Variants in PPARA observed in about 807,000 individuals in gnomAD.
The protein encoded by PPARA is peroxisome proliferator activated receptor alpha.
In PPARA, 22 loss-of-function variants were observed where a neutral mutation model predicts 42.2. That is an observed-to-expected ratio of 0.52 (90% CI 0.37 to 0.74). The LOEUF (loss-of-function observed/expected upper bound fraction) is 0.74, where lower values mean the gene tolerates loss of function less well. PPARA is among the 30% of genes least tolerant of loss of function. The probability of loss-of-function intolerance (pLI) is 0.00; values close to 1 mark genes in which losing one functional copy is unlikely to be tolerated. For synonymous variants in PPARA, 242 were observed against 239.3 expected (o/e 1.01, Z -0.10); for missense variants, 465 against 608.2 (o/e 0.76, Z 2.48).
rs1930457208 is a variant in PPARA, at chr22:46,184,907, C to A, written c.-43+8071C>A. ...TCGTTTGTGTGCGACGTGTTTTTCC[C>A]TCTCAGAAAGCTCGTAGGGTCTTCT... is the stretch of plus-strand genomic sequence containing the variant. On this transcript the variant is annotated intron_variant, in intron 3 of 8. Coordinates refer to ENST00000407236, the MANE Select transcript of PPARA (RefSeq NM_005036.6). This position sits in a 1 kb window ranked among gnomAD's most constrained non-coding sequence, Gnocchi z 4.4. Among the ~76,000 whole-genome samples the A allele has an allele frequency of 6.6e-6, 1 of 152,182 alleles. No homozygotes were observed. Among genetic ancestry groups the A allele is most frequent in the South Asian group, 2.1e-4 (1 of 4,834 alleles).
In PPARA at chr22:46,230,471, C is replaced by G. The variant is rs1043399880; in HGVS notation, c.712-1321C>G. On this transcript the variant is annotated intron_variant, in intron 7 of 8. Coordinates refer to ENST00000407236, the MANE Select transcript of PPARA (RefSeq NM_005036.6). The surrounding 1 kb of genome is among the most constrained non-coding windows in gnomAD (Gnocchi z 5.0). Reference sequence around the variant, plus strand: ...ATCAGAGAGATCTCTCAGATGTTGTCACTTTCCTGCTCTACCCGCAGATGT... The same window carrying G: ...ATCAGAGAGATCTCTCAGATGTTGTGACTTTCCTGCTCTACCCGCAGATGT... Among the ~76,000 whole-genome samples, 1 of 152,208 alleles carries G rather than the reference C, an allele frequency of 6.6e-6. No homozygotes were observed.
In PPARA at chr22:46,218,411, G is replaced by A. The variant is rs1387520069; in HGVS notation, c.508+10G>A. The A allele has an allele frequency of 6.2e-7, 1 of 1,614,116 alleles. No homozygotes were observed. The highest frequency in any genetic ancestry group is 2.2e-5 in the East Asian group (1 of 44,888). On this transcript the variant is annotated intron_variant, in intron 6 of 8. Transcript: ENST00000407236. ...GGGATGTCACACAACGGTAGGTAAG[G>A]TGGCCCTGCACATTTTCCCAGTTCG... is the stretch of plus-strand genomic sequence containing the variant.
In PPARA at chr22:46,221,762, G is replaced by A. The variant is rs941428884; in HGVS notation, c.711+1748G>A. The stretch of plus-strand genomic sequence containing the variant: ...TGCAGTGAGCCGAGATCGTGCCACT[G>A]CACTTCCAGCCTGGGCGACAAAGCC... On this transcript the variant is annotated intron_variant, in intron 7 of 8. Coordinates refer to ENST00000407236, the MANE Select transcript of PPARA (RefSeq NM_005036.6). The surrounding 1 kb of genome is among the most constrained non-coding windows in gnomAD (Gnocchi z 5.9). Among the ~76,000 whole-genome samples, 4 of 152,090 alleles carry A rather than the reference G, an allele frequency of 2.6e-5. No homozygotes were observed. Among genetic ancestry groups the A allele is most frequent in the African/African-American group, 9.7e-5 (4 of 41,412 alleles).
In PPARA at chr22:46,196,250, G is replaced by A. The variant is rs919939124; in HGVS notation, c.-42-2092G>A. 6.6e-6 allele frequency among the ~76,000 whole-genome samples: 1 copy of A among 152,190 alleles called. No homozygotes were observed. Among genetic ancestry groups the A allele is most frequent in the Admixed American group, 6.5e-5 (1 of 15,270 alleles). ...TTATACCCCTATGGAAATGCCGTTC[G>A]CTTTGCTAGTTGAAATAGCCTACCA... On this transcript the variant is annotated intron_variant, in intron 3 of 8. Transcript: ENST00000407236. The surrounding 1 kb of genome is among the most constrained non-coding windows in gnomAD (Gnocchi z 5.6).
At chr22:46,197,992 G>A (rs962809267) in intron 3 of PPARA, among the ~76,000 whole-genome samples, 3 of 151,732 alleles carry the variant, frequency 2.0e-5, no homozygotes, top group South Asian at 2.1e-4. Context: ...AGCACTTTGC[G>A]AGGCTGAGGC....
chr22:46,196,272 A>G lies in PPARA; in HGVS notation c.-42-2070A>G, dbSNP rs968957300. Among the ~76,000 whole-genome samples the G allele has an allele frequency of 2.0e-5, 3 of 152,098 alleles. No individual in the cohort carries two copies. Among genetic ancestry groups the G allele is most frequent in the Non-Finnish European group, 4.4e-5 (3 of 67,986 alleles). The stretch of plus-strand genomic sequence containing the variant: ...TTCGCTTTGCTAGTTGAAATAGCCT[A>G]CCATTGTCTGGGACTCACCCAGTTA... On this transcript the variant is annotated intron_variant, in intron 3 of 8. Coordinates refer to ENST00000407236, the MANE Select transcript of PPARA (RefSeq NM_005036.6). This position sits in a 1 kb window ranked among gnomAD's most constrained non-coding sequence, Gnocchi z 5.6.
rs1933110931 is a variant in PPARA at position 46,205,208 on chromosome 22, T to TA, written c.208+6618dup. Among the ~76,000 whole-genome samples the TA allele has an allele frequency of 2.0e-5, 3 of 151,618 alleles. No individual in the cohort carries two copies. The East Asian group carries it at 5.8e-4, about 29-fold the overall frequency. On this transcript the variant is annotated intron_variant, in intron 4 of 8. Transcript: ENST00000407236. ...GTCCAATTTATCAATGTCCTTTTTT[T>TA]ATGGATACTTCATTTATTTATTTAT... is the stretch of plus-strand genomic sequence containing the variant.
At position 46,231,838 on chromosome 22, in the gene PPARA, C is replaced by T. The variant is rs185169164; in HGVS notation, c.758C>T (p.Thr253Met). ...DMETLCMAEK[T>M]LVAKLVANGI... ...GAGACACTGTGTATGGCTGAGAAGA[C>T]GCTGGTGGCCAAGCTGGTGGCCAAT... The change falls in exon 8 of 9, where the codon ACG (threonine) becomes ATG (methionine). Residue 253 changes from threonine (T) to methionine (M), a missense_variant. By Grantham distance (81) the Thr-to-Met change is moderately conservative. This residue lies in a region of PPARA where 313 missense variants were observed against 469.1 expected (regional missense o/e 0.67). Coordinates refer to ENST00000407236, the MANE Select transcript of PPARA (RefSeq NM_005036.6). This position sits in a 1 kb window ranked among gnomAD's most constrained non-coding sequence, Gnocchi z 7.7. 9.0e-5 allele frequency: 146 copies of T among 1,613,994 alleles called. 1 individual carries two copies. The highest frequency in any genetic ancestry group is 2.2e-5 in the East Asian group (1 of 44,888).
In PPARA at chr22:46,180,105, T is replaced by C. The variant is rs1257246308; in HGVS notation, c.-43+3269T>C. 3.9e-5 allele frequency among the ~76,000 whole-genome samples: 6 copies of C among 152,160 alleles called. No individual in the cohort carries two copies. Among genetic ancestry groups the C allele is most frequent in the Non-Finnish European group, 5.9e-5 (4 of 68,012 alleles). On this transcript the variant is annotated intron_variant, in intron 3 of 8. Transcript: ENST00000407236. The surrounding 1 kb of genome is among the most constrained non-coding windows in gnomAD (Gnocchi z 4.2). ...TAGAAAGGTTGACCATACCAAACAT[T>C]AGCCATGATGTGCAGGAACTAGAAC...
intron 1 of PPARA, 50 bp from the exon 2 acceptor site, chr22:46,151,838 C>T (rs1474914690): frequency 6.6e-6 from 1 of 152,260 alleles, no homozygotes; most frequent in East Asian, 1.9e-4. Flanking sequence ...AGTTGGGGGG[C>T]ATCCAGAGAA....
intron 3 of PPARA, among the ~76,000 whole-genome samples, chr22:46,185,070 G>A (rs1010970155): frequency 2.0e-5 from 3 of 152,068 alleles, no homozygotes; most frequent in Non-Finnish European, 4.4e-5. Flanking sequence ...TATCCTGAAC[G>A]TACTGGTTGG....
At chr22:46,197,058 G>T (rs1006781212) in intron 3 of PPARA, among the ~76,000 whole-genome samples, 1 of 148,622 alleles carries the variant, frequency 6.7e-6, no homozygotes, top group Non-Finnish European at 1.5e-5. Context: ...TTTGGTTTTG[G>T]TTTTTTTTTG....
In PPARA at chr22:46,224,232, C is replaced by T. The variant is rs1190855320; in HGVS notation, c.711+4218C>T. Among the ~76,000 whole-genome samples the T allele has an allele frequency of 6.6e-6, 1 of 152,242 alleles. No homozygotes were observed. Among genetic ancestry groups the T allele is most frequent in the Non-Finnish European group, 1.5e-5 (1 of 68,046 alleles). ...GACGCTGGAGGCACGGCCCCCTCCTCCCTGCCTAGCCTGCTGACGGGCTTT... is the reference window on the plus strand; with the variant it reads ...GACGCTGGAGGCACGGCCCCCTCCTTCCTGCCTAGCCTGCTGACGGGCTTT... On this transcript the variant is annotated intron_variant, in intron 7 of 8. Transcript: ENST00000407236. This position sits in a 1 kb window ranked among gnomAD's most constrained non-coding sequence, Gnocchi z 5.7.
At chr22:46,210,635 G>A (rs146430671) in intron 4 of PPARA, among the ~76,000 whole-genome samples, 1 of 151,996 alleles carries the variant, frequency 6.6e-6, no homozygotes, top group African/African-American at 2.4e-5. Context: ...GCAGAGACGG[G>A]GTTTCACCAT....
chr22:46,235,287 G>A lies in PPARA; in HGVS notation c.1314G>A (p.Thr438=), dbSNP rs1417413956. 9.3e-6 allele frequency: 15 copies of A among 1,613,940 alleles called. 1 individual carries two copies. The highest frequency in any genetic ancestry group is 6.6e-5 in the South Asian group (6 of 91,078). The change falls in exon 9 of 9, where the codon ACG becomes ACA. Residue 438 remains threonine, a synonymous_variant. Transcript: ENST00000407236. This position sits in a 1 kb window ranked among gnomAD's most constrained non-coding sequence, Gnocchi z 7.0. ...QKMADLRQLV[T]EHAQLVQIIK... ...TGGCAGACCTCCGGCAGCTGGTGAC[G>A]GAGCATGCGCAGCTGGTGCAGATCA...
rs1931627319 is a variant in PPARA at position 46,191,977 on chromosome 22, A to G, written c.-42-6365A>G. On this transcript the variant is annotated intron_variant, in intron 3 of 8. Transcript: ENST00000407236. The surrounding 1 kb of genome is among the most constrained non-coding windows in gnomAD (Gnocchi z 4.6). ...CTACTCAGGAGGCTGAGGCAGGAGA[A>G]TCACTTGAACCCGTGAAACGGAAGT... 6.6e-6 allele frequency among the ~76,000 whole-genome samples: 1 copy of G among 152,216 alleles called. No individual in the cohort carries two copies. The highest frequency in any genetic ancestry group is 1.5e-5 in the Non-Finnish European group (1 of 68,028).
rs114062793 is a variant in PPARA at position 46,214,866 on chromosome 22, C to G, written c.209-307C>G. Among the ~76,000 whole-genome samples the G allele has an allele frequency of 2.5e-3, 367 of 147,580 alleles. 1 individual carries two copies. The highest frequency in any genetic ancestry group is 8.5e-3 in the African/African-American group (341 of 39,996). On this transcript the variant is annotated intron_variant, in intron 4 of 8. Coordinates refer to ENST00000407236, the MANE Select transcript of PPARA (RefSeq NM_005036.6). ...TGTGTGGATGGGAGACGCGCGGGCC[C>G]GGAGATATGCGGGGCGGAGATGTGC...
chr22:46,191,471 T>C lies in PPARA; in HGVS notation c.-42-6871T>C, dbSNP rs1931532920. Among the ~76,000 whole-genome samples the C allele has an allele frequency of 6.6e-6, 1 of 151,994 alleles. No individual in the cohort carries two copies. Among genetic ancestry groups the C allele is most frequent in the East Asian group, 1.9e-4 (1 of 5,200 alleles). On this transcript the variant is annotated intron_variant, in intron 3 of 8. Coordinates refer to ENST00000407236, the MANE Select transcript of PPARA (RefSeq NM_005036.6). This position sits in a 1 kb window ranked among gnomAD's most constrained non-coding sequence, Gnocchi z 4.6. Reference sequence around the variant, plus strand: ...GGAACTGATAATCTGTTCCTCCCTATTGTGTTCAGTATGGTTTTTTTTTTT... The same window carrying C: ...GGAACTGATAATCTGTTCCTCCCTACTGTGTTCAGTATGGTTTTTTTTTTT...
At chr22:46,179,843 G>GA (rs1271064230) in intron 3 of PPARA, among the ~76,000 whole-genome samples, 1 of 152,148 alleles carries the variant, frequency 6.6e-6, no homozygotes, top group African/African-American at 2.4e-5. Context: ...CTGGAAGACA[G>GA]AAAAAATTCT....
Sources: gnomAD v4.1 joint callset for allele counts (sites outside exome capture counted in the v4.1 genomes callset) on GRCh38, gnomAD v4.1.1 for gene constraint, gnomAD v4.1.1 regional missense constraint, Gnocchi (gnomAD v3.1) non-coding constraint, MANE v1.5 for transcripts, NCBI Gene and HGNC (gene_info 2026-07-23, HGNC 2026-07-21) for gene names.